Variants in PNO1 observed in about 807,000 individuals in gnomAD.
PNO1 encodes the protein RNA-binding protein PNO1.
Under a neutral mutation model 28.4 loss-of-function variants are expected in PNO1, and 16 were observed. The ratio of observed to expected loss-of-function variants is 0.56; its 90% confidence interval spans 0.38 to 0.85. PNO1 has a LOEUF of 0.85. Ranked by LOEUF, PNO1 falls within the 40% of genes least tolerant of loss-of-function variation. PNO1 has a pLI of 0.00. For missense variants in PNO1, 304 were observed against 312.2 expected (o/e 0.97, Z 0.20); for synonymous variants, 115 against 110.8 (o/e 1.04, Z -0.24).
Position 68,175,894 on chromosome 2 carries a change from C to T in PNO1, c.*1092C>T, listed in dbSNP as rs1431158030. ...GGGCTCCGAACACTACATTAGCCTACAGTTGGGCAAAATCGTCTAATACAA... is the reference window on the plus strand; with the variant it reads ...GGGCTCCGAACACTACATTAGCCTATAGTTGGGCAAAATCGTCTAATACAA... On this transcript the variant is annotated 3_prime_UTR_variant, in exon 7 of 7. Transcript: ENST00000263657. 6.6e-6 allele frequency: 1 copy of T among 152,176 alleles called. No homozygotes were observed. The highest frequency in any genetic ancestry group is 1.5e-5 in the Non-Finnish European group (1 of 68,030). 9.4% of individuals were successfully genotyped at this position (152,176 alleles called of 1,614,324 possible).
chr2:68,158,166 G>A (rs1297162417), intron 1 of PNO1, 25 bp downstream of exon 1: 1 of 1,555,942 alleles, frequency 6.4e-7, no homozygotes, highest in Non-Finnish European at 8.7e-7. Flanking sequence ...CCCTAGGACA[G>A]CAACGAGGCA....
At chr2:68,173,475 G>A (rs1674185580) in intron 6 of PNO1, 58 bp downstream of exon 6, 20 of 1,095,166 alleles carry the variant, frequency 1.8e-5, no homozygotes, top group Non-Finnish European at 2.7e-5. Flanking sequence ...GTTAATTGAG[G>A]AAGTCAAAAC....
At chr2:68,168,270 A>G (rs78237492) in intron 5 of PNO1, among the ~76,000 whole-genome samples, 2,109 of 152,358 alleles carry the variant, frequency 0.014, 52 homozygotes, top group African/African-American at 0.048. Context: ...TGGAGACTTA[A>G]CATTTAAAAT....
intron 5 of PNO1, among the ~76,000 whole-genome samples, chr2:68,164,377 G>A (rs1673920276): frequency 6.6e-6 from 1 of 152,096 alleles, no homozygotes; most frequent in African/African-American, 2.4e-5. Flanking sequence ...TGTAGTCCCA[G>A]CTACTTGGGA....
chr2:68,166,180 A>G (rs1165534008), intron 5 of PNO1, among the ~76,000 whole-genome samples: 1 of 152,188 alleles, frequency 6.6e-6, no homozygotes, highest in Admixed American at 6.5e-5. Flanking sequence ...ATTTCATTGC[A>G]CAGGTATACT....
intron 4 of PNO1, 54 bp downstream of exon 4, chr2:68,162,379 ACT>A: frequency 5.8e-6 from 8 of 1,375,768 alleles, no homozygotes; most frequent in Non-Finnish European, 8.2e-6. Context: ...TTGTGATGTG[ACT>A]CTCAGTTTTC....
Position 68,162,541 on chromosome 2 carries a change from T to C in PNO1, c.503-5T>C. On this transcript the variant is annotated splice_region_variant and splice_polypyrimidine_tract_variant and intron_variant, in intron 4 of 6. Coordinates refer to ENST00000263657, the MANE Select transcript of PNO1 (RefSeq NM_020143.4). Reference sequence around the variant, plus strand: ...GCCTCCTGAGATCTTGCTTTTCTTGTTTAGTTAAACCCCTAAAGGGAGACC... The same window carrying C: ...GCCTCCTGAGATCTTGCTTTTCTTGCTTAGTTAAACCCCTAAAGGGAGACC... 1 of 1,597,876 alleles carries C rather than the reference T, an allele frequency of 6.3e-7. No individual in the cohort carries two copies. Among genetic ancestry groups the C allele is most frequent in the East Asian group, 2.2e-5 (1 of 44,786 alleles).
chr2:68,165,527 C>G (rs1173993209), intron 5 of PNO1, among the ~76,000 whole-genome samples: 4 of 113,156 alleles, frequency 3.5e-5, no homozygotes, highest in Admixed American at 1.2e-4. Flanking sequence ...GCCTGGGCGA[C>G]AGAGTGAGAC....
chr2:68,165,028 C>CATT (rs59569118), intron 5 of PNO1, among the ~76,000 whole-genome samples: 48,747 of 151,618 alleles, frequency 0.32, 9,586 homozygotes, highest in African/African-American at 0.56. Flanking sequence ...GTTAAATCAT[C>CATT]AAGTCATGGA....
chr2:68,167,489 G>T (rs1674024216), intron 5 of PNO1, among the ~76,000 whole-genome samples: 1 of 152,206 alleles, frequency 6.6e-6, no homozygotes, highest in East Asian at 1.9e-4. Context: ...AAGGATCGGG[G>T]TTAGCAGCTT....
intron 1 of PNO1, 78 bp downstream of exon 1, chr2:68,158,219 G>C: frequency 1.4e-6 from 2 of 1,454,738 alleles, no homozygotes; most frequent in Non-Finnish European, 1.9e-6. Context: ...GGAGAATGTT[G>C]AAGCTGCGGT....
Position 68,158,331 on chromosome 2 carries a change from A to G in PNO1, c.208-49A>G, listed in dbSNP as rs375967258. 62 of 1,553,822 alleles carry G rather than the reference A, an allele frequency of 4.0e-5. No individual in the cohort carries two copies. The African/African-American group carries it at 6.6e-4, about 17-fold the overall frequency. ...TGGATCAGATGTCATTTTAAACTCC[A>G]TCACCGTCCCTCCATAGCCTTCTGA... On this transcript the variant is annotated intron_variant, in intron 1 of 6. Transcript: ENST00000263657.
Position 68,162,571 on chromosome 2 carries a change from A to G in PNO1, c.528A>G (p.Leu176=), listed in dbSNP as rs375026355. The change falls in exon 5 of 7, where the codon CTA becomes CTG. Residue 176 remains leucine (L), a synonymous_variant. Coordinates refer to ENST00000263657, the MANE Select transcript of PNO1 (RefSeq NM_020143.4). Reference sequence around the variant, plus strand: ...TTAAACCCCTAAAGGGAGACCATCTATCCAGGGCAATAGGAAGAATCGCTG... The same window carrying G: ...TTAAACCCCTAAAGGGAGACCATCTGTCCAGGGCAATAGGAAGAATCGCTG... ...TDVKPLKGDH[L]SRAIGRIAGK... 180 of 1,613,444 alleles carry G rather than the reference A, an allele frequency of 1.1e-4. No individual in the cohort carries two copies. The highest frequency in any genetic ancestry group is 1.4e-4 in the Non-Finnish European group (163 of 1,179,474).
chr2:68,159,832 C>T (rs577369199), intron 2 of PNO1, among the ~76,000 whole-genome samples: 4 of 152,124 alleles, frequency 2.6e-5, no homozygotes, highest in East Asian at 1.9e-4. Context: ...GGAGTGGTTT[C>T]GTTGTAGGTT....
chr2:68,158,644 T>G (rs1673743666), intron 2 of PNO1, 115 bp downstream of exon 2: 8 of 892,904 alleles, frequency 9.0e-6, no homozygotes, highest in Non-Finnish European at 1.1e-5. Flanking sequence ...TTTTGTCCAG[T>G]TTAAAAATTT....
intron 5 of PNO1, among the ~76,000 whole-genome samples, chr2:68,164,752 G>A (rs1189250263): frequency 6.6e-6 from 1 of 152,006 alleles, no homozygotes; most frequent in East Asian, 1.9e-4. Context: ...AACCATGATG[G>A]CACCACTGCA....
chr2:68,168,931 T>C (rs931085338), intron 5 of PNO1, among the ~76,000 whole-genome samples: 29 of 137,098 alleles, frequency 2.1e-4, no homozygotes, highest in Admixed American at 4.4e-4. Flanking sequence ...CTTTTTTTTT[T>C]TTTTTTTTTT....
At chr2:68,160,210 C>T (rs1487389979) in intron 2 of PNO1, among the ~76,000 whole-genome samples, 2 of 151,934 alleles carry the variant, frequency 1.3e-5, no homozygotes, top group South Asian at 2.1e-4. Context: ...ACCTCATGAT[C>T]TACCCGCCTC....
At chr2:68,161,557 A>G (rs1673831242) in intron 2 of PNO1, 126 bp from the exon 3 acceptor site, 1 of 665,824 alleles carries the variant, frequency 1.5e-6, no homozygotes, top group Admixed American at 2.4e-5. Flanking sequence ...CATACAGAAT[A>G]TATTAGGGAA....
Sources: gnomAD v4.1 joint callset for allele counts (sites outside exome capture counted in the v4.1 genomes callset) on GRCh38, gnomAD v4.1.1 for gene constraint, MANE v1.5 for transcripts, NCBI Gene and HGNC (gene_info 2026-07-23, HGNC 2026-07-21) for gene names.